NCK2: variants seen among roughly 807,000 people sequenced by gnomAD.
NCK2 encodes the protein NCK adaptor protein 2.
In NCK2, 16 loss-of-function variants were observed where a neutral mutation model predicts 33.9. The ratio of observed to expected loss-of-function variants is 0.47; its 90% CI spans 0.32 to 0.72. The LOEUF (loss-of-function observed/expected upper bound fraction) is 0.72. Ranked by LOEUF, NCK2 falls within the 30% of genes least tolerant of loss-of-function variation. NCK2 has a pLI of 0.03. For synonymous variants in NCK2, 273 were observed against 239.9 expected (o/e 1.14, Z -1.27); for missense variants, 418 against 537.3 (o/e 0.78, Z 2.19).
At chr2:105,845,475 C>T (rs185910006) in intron 2 of NCK2, among the ~76,000 whole-genome samples, 137 of 151,004 alleles carry the variant, frequency 9.1e-4, no homozygotes, top group Non-Finnish European at 6.6e-4. Context: ...CTCACTGCAT[C>T]CTCCGCCTCT....
intron 3 of NCK2, among the ~76,000 whole-genome samples, chr2:105,877,718 G>A (rs767755673): frequency 5.9e-5 from 9 of 152,132 alleles, no homozygotes; most frequent in Non-Finnish European, 1.3e-4. Flanking sequence ...TATTACAGAT[G>A]ATAATGCTTT....
intron 3 of NCK2, among the ~76,000 whole-genome samples, chr2:105,881,111 G>C (rs942268797): frequency 6.6e-6 from 1 of 152,120 alleles, no homozygotes; most frequent in East Asian, 1.9e-4. Flanking sequence ...GGATAAAATA[G>C]ATCAATTTAA....
At chr2:105,851,277 T>A (rs979722604) in intron 2 of NCK2, among the ~76,000 whole-genome samples, 1 of 151,766 alleles carries the variant, frequency 6.6e-6, no homozygotes. Flanking sequence ...TTTTTTTTTT[T>A]TTCTGAGACG....
At chr2:105,769,217 AC>A (rs1285982431) in intron 1 of NCK2, among the ~76,000 whole-genome samples, 1 of 151,830 alleles carries the variant, frequency 6.6e-6, no homozygotes, top group African/African-American at 2.4e-5. Flanking sequence ...AGGGACCAAG[AC>A]CAGAGATCTT....
intron 1 of NCK2, among the ~76,000 whole-genome samples, chr2:105,755,363 T>A (rs1689570576): frequency 6.6e-6 from 1 of 152,052 alleles, no homozygotes; most frequent in Non-Finnish European, 1.5e-5. Context: ...TTCAGTTGAT[T>A]GATCACCTAT....
rs370410105 is a variant in NCK2, at chr2:105,832,464, C to T, written c.-17+15851C>T. On this transcript the variant is annotated intron_variant, in intron 2 of 4. Transcript: ENST00000233154. ...AGTATGATGTTAGCTGTGCATCTGT[C>T]GTTAAGGCTCGTATTACCTAATTTG... Among the ~76,000 whole-genome samples the T allele has an allele frequency of 2.0e-3, 304 of 152,204 alleles. 15 individuals carry two copies. The South Asian group carries it at 0.06, about 30-fold the overall frequency.
chr2:105,818,342 G>A (rs1338020427), intron 2 of NCK2, among the ~76,000 whole-genome samples: 2 of 150,242 alleles, frequency 1.3e-5, no homozygotes, highest in Non-Finnish European at 1.5e-5. Context: ...ACGAGTTAAC[G>A]GGTGCAGCAC....
rs754384046 is a variant in NCK2 at position 105,881,694 on chromosome 2, A to C, written c.593A>C (p.His198Pro). The change falls in exon 4 of 5, where the codon CAT (histidine) becomes CCT (proline). Residue 198 changes from histidine to proline, a missense_variant. Physicochemically the swap from His to Pro is moderately conservative, Grantham distance 77 (BLOSUM62 -2). Transcript: ENST00000233154. ...LSNGQGSRVL[H>P]VVQTLYPFSS... ...AATGGCCAGGGCTCCCGCGTGCTGC[A>C]TGTGGTCCAGACGCTGTACCCCTTC... 1 of 1,614,108 alleles carries C rather than the reference A, an allele frequency of 6.2e-7. No individual in the cohort carries two copies. The highest frequency in any genetic ancestry group is 8.5e-7 in the Non-Finnish European group (1 of 1,179,964).
chr2:105,798,257 AC>A, intron 1 of NCK2, among the ~76,000 whole-genome samples: 1 of 152,298 alleles, frequency 6.6e-6, no homozygotes, highest in East Asian at 1.9e-4. Context: ...GTTAGCCAAA[AC>A]CATACTTCAA....
chr2:105,871,879 C>T (rs536671864), intron 3 of NCK2, among the ~76,000 whole-genome samples: 197 of 152,198 alleles, frequency 1.3e-3, no homozygotes, highest in Non-Finnish European at 4.6e-4. Context: ...CCTTAGAGAG[C>T]GGGGAGGAAA....
chr2:105,748,405 G>A (rs1349885140), intron 1 of NCK2, among the ~76,000 whole-genome samples: 2 of 149,694 alleles, frequency 1.3e-5, no homozygotes, highest in Non-Finnish European at 3.0e-5. Flanking sequence ...CTTTTTTTAA[G>A]GCAGGGTTTC....
rs114107857 is a variant in NCK2 at position 105,862,211 on chromosome 2, A to G, written c.226+6922A>G. On this transcript the variant is annotated intron_variant, in intron 3 of 4. Coordinates refer to ENST00000233154, the MANE Select transcript of NCK2 (RefSeq NM_003581.5). ...AAAGACTCTAGAATTATGTCTAGGA[A>G]GAATTAGAGGGCTTCAGACTAGTGG... is the stretch of plus-strand genomic sequence containing the variant. 4.3e-3 allele frequency among the ~76,000 whole-genome samples: 661 copies of G among 152,292 alleles called. 9 individuals carry two copies. The highest frequency in any genetic ancestry group is 0.015 in the African/African-American group (619 of 41,550).
At chr2:105,844,532 C>T (rs1676775245) in intron 2 of NCK2, among the ~76,000 whole-genome samples, 2 of 145,398 alleles carry the variant, frequency 1.4e-5, no homozygotes, top group Admixed American at 1.4e-4. Context: ...CCAGCCTGGC[C>T]AACATGATGA....
At chr2:105,797,676 T>G (rs1691132885) in intron 1 of NCK2, among the ~76,000 whole-genome samples, 1 of 152,198 alleles carries the variant, frequency 6.6e-6, no homozygotes, top group Non-Finnish European at 1.5e-5. Flanking sequence ...GCAGCGACTG[T>G]GTGGAGCCTC....
At chr2:105,765,730 G>A (rs1442403617) in intron 1 of NCK2, among the ~76,000 whole-genome samples, 3 of 151,202 alleles carry the variant, frequency 2.0e-5, no homozygotes, top group Admixed American at 6.6e-5. Context: ...AAATATTTTA[G>A]ATTTTCACAC....
At chr2:105,883,065 T>G (rs1451178159) in intron 4 of NCK2, among the ~76,000 whole-genome samples, 1 of 152,156 alleles carries the variant, frequency 6.6e-6, no homozygotes, top group Non-Finnish European at 1.5e-5. Flanking sequence ...GTGCTCTCTT[T>G]GAGGACGGAG....
At chr2:105,815,540 C>T (rs774853396) in intron 1 of NCK2, among the ~76,000 whole-genome samples, 21 of 152,178 alleles carry the variant, frequency 1.4e-4, no homozygotes, top group Non-Finnish European at 1.9e-4. Context: ...CCCTCGAAAA[C>T]GTTAGTCAAG....
chr2:105,765,666 G>GGT (rs1558826518), intron 1 of NCK2, among the ~76,000 whole-genome samples: 2 of 148,498 alleles, frequency 1.3e-5, no homozygotes, highest in Non-Finnish European at 3.0e-5. Flanking sequence ...TGGGTAGTGG[G>GGT]TTTTTTTTTT....
At chr2:105,745,796 C>T (rs1689265707) in intron 1 of NCK2, 1 of 152,244 alleles carries the variant, frequency 6.6e-6, no homozygotes, top group African/African-American at 2.4e-5. Flanking sequence ...TAACAGCCAC[C>T]TGAATGAACC....
Sources: allele counts gnomAD v4.1 joint callset (sites outside exome capture counted in the v4.1 genomes callset), GRCh38; gene constraint gnomAD v4.1.1; transcripts MANE v1.5; gene names NCBI Gene and HGNC (gene_info 2026-07-23, HGNC 2026-07-21).